The following PPP2R5C variants were observed in gnomAD, a reference collection of about 807,000 sequenced individuals.
PPP2R5C encodes protein phosphatase 2 regulatory subunit B'gamma, also known as serine/threonine-protein phosphatase 2A 56 kDa regulatory subunit gamma isoform.
Under a neutral mutation model 68.9 loss-of-function variants are expected in PPP2R5C, and 7 were observed. The ratio of observed to expected loss-of-function variants is 0.10; its 90% CI spans 0.06 to 0.19. PPP2R5C has a LOEUF of 0.19. Ranked by LOEUF, PPP2R5C falls within the 10% of genes least tolerant of loss-of-function variation. The pLI is 1.00. For synonymous variants in PPP2R5C, 210 were observed against 222.2 expected (o/e 0.95, Z 0.49); for missense variants, 348 against 641.3 (o/e 0.54, Z 4.94).
rs1376661853 is a variant in PPP2R5C at position 101,825,054 on chromosome 14, A to G, written c.94+15018A>G. 6.6e-6 allele frequency: 1 copy of G among 152,304 alleles called. No homozygotes were observed. The highest frequency in any genetic ancestry group is 6.5e-5 in the Admixed American group (1 of 15,290). 9.4% of individuals were successfully genotyped at this position (152,304 alleles called of 1,614,324 possible). On this transcript the variant is annotated intron_variant, in intron 1 of 13. Transcript: ENST00000334743. This position sits in a 1 kb window ranked among gnomAD's most constrained non-coding sequence, Gnocchi z 4.0. ...AGCCGAGAGCAGTTAAGTGGAAGGC[A>G]AGACGCAGCAGTGGCTTCTCACGCC...
At chr14:101,800,703 A>G (rs2038827591) in intron 3 of PPP2R5C, among the ~76,000 whole-genome samples, 1 of 151,772 alleles carries the variant, frequency 6.6e-6, no homozygotes, top group African/African-American at 2.4e-5. Flanking sequence ...ATATGATCCT[A>G]CAGCCTTACT....
chr14:101,802,369 G>A (rs546553512), intron 3 of PPP2R5C, among the ~76,000 whole-genome samples: 47 of 152,140 alleles, frequency 3.1e-4, no homozygotes, highest in Admixed American at 1.4e-3. Flanking sequence ...CCAAGATCGC[G>A]CCACTGCACA....
Position 101,797,313 on chromosome 14 carries a change from A to G in PPP2R5C, c.259+11130A>G, listed in dbSNP as rs2038660645. ...GACACATTCCGCGTATCCCCCAATC[A>G]GTGGATGGACGCGTGGGTTGCAGAG... On this transcript the variant is annotated intron_variant, in intron 3 of 14. Transcript: ENST00000328724. The surrounding 1 kb of genome is among the most constrained non-coding windows in gnomAD (Gnocchi z 4.2). The G allele has an allele frequency of 2.2e-6, 1 of 456,024 alleles. No homozygotes were observed. The highest frequency in any genetic ancestry group is 1.5e-5 in the South Asian group (1 of 64,564). 28.2% of individuals were successfully genotyped at this position (456,024 alleles called of 1,614,324 possible).
At chr14:101,761,442 G>A (rs953848283), upstream of PPP2R5C, among the ~76,000 whole-genome samples, 3 of 151,548 alleles carry the variant, frequency 2.0e-5, no homozygotes, top group East Asian at 5.9e-4. Context: ...GCCTGAGGCC[G>A]GCTCGCAGCG....
chr14:101,853,371 T>C (rs1434710097), intron 1 of PPP2R5C, among the ~76,000 whole-genome samples: 5 of 152,150 alleles, frequency 3.3e-5, no homozygotes, highest in Non-Finnish European at 7.3e-5. Context: ...AAGCAAAAAT[T>C]CTACAGAAAC....
At chr14:101,772,989 C>T (rs371883196) in intron 2 of PPP2R5C, among the ~76,000 whole-genome samples, 5 of 152,090 alleles carry the variant, frequency 3.3e-5, no homozygotes, top group Non-Finnish European at 7.4e-5. Flanking sequence ...CCTTCTGTCC[C>T]CTGGAGGGAT....
At chr14:101,908,917 T>C (rs1331827923) in intron 10 of PPP2R5C, among the ~76,000 whole-genome samples, 2 of 152,246 alleles carry the variant, frequency 1.3e-5, no homozygotes, top group African/African-American at 4.8e-5. Flanking sequence ...GGGATTTATT[T>C]GTTTTTAGCT....
rs1255561214 is a variant in PPP2R5C at position 101,906,387 on chromosome 14, A to C, written c.1024-15A>C. 1.3e-6 allele frequency: 2 copies of C among 1,583,116 alleles called. No individual in the cohort carries two copies. Among genetic ancestry groups the C allele is most frequent in the African/African-American group, 2.7e-5 (2 of 73,902 alleles). ...AGGCACAACCTCCAGCAAGCCATCC[A>C]CTTGTGTCTTTCAGGTGGCAGAGCG... is the stretch of plus-strand genomic sequence containing the variant. On this transcript the variant is annotated splice_polypyrimidine_tract_variant and intron_variant, in intron 9 of 13. Transcript: ENST00000334743. The surrounding 1 kb of genome is among the most constrained non-coding windows in gnomAD (Gnocchi z 4.0).
At chr14:101,811,716 TTTAAG>T (rs1357236059) in intron 1 of PPP2R5C, among the ~76,000 whole-genome samples, 1 of 152,244 alleles carries the variant, frequency 6.6e-6, no homozygotes, top group Non-Finnish European at 1.5e-5. Context: ...TTTTTATACT[TTTAAG>T]GTATCCACTT....
intron 1 of PPP2R5C, among the ~76,000 whole-genome samples, chr14:101,821,561 A>C (rs1378022594): frequency 2.6e-5 from 4 of 151,766 alleles, no homozygotes; most frequent in South Asian, 2.1e-4. Flanking sequence ...TCTTTAAAAA[A>C]TTGACATGAG....
At chr14:101,924,968 T>G (rs1030853797) in intron 13 of PPP2R5C, among the ~76,000 whole-genome samples, 173 bp from the exon 16 acceptor site, 12 of 152,216 alleles carry the variant, frequency 7.9e-5, no homozygotes, top group Non-Finnish European at 8.8e-5. Context: ...AGCAAGACAT[T>G]TTTGGCAAAT....
In PPP2R5C at chr14:101,882,344, G is replaced by A; in HGVS notation, c.405+73G>A. 2.4e-6 allele frequency: 3 copies of A among 1,232,556 alleles called. No homozygotes were observed. The highest frequency in any genetic ancestry group is 3.4e-6 in the Non-Finnish European group (3 of 873,848). 76.4% of individuals were successfully genotyped at this position (1,232,556 alleles called of 1,614,324 possible). On this transcript the variant is annotated intron_variant, in intron 3 of 13. Transcript: ENST00000334743. The surrounding 1 kb of genome is among the most constrained non-coding windows in gnomAD (Gnocchi z 4.9). ...GAATGGCCTGGGATCCACAGAGCGGGCGCACTGGTCTGGCCAGATGGACCT... is the reference window on the plus strand; with the variant it reads ...GAATGGCCTGGGATCCACAGAGCGGACGCACTGGTCTGGCCAGATGGACCT...
intron 2 of PPP2R5C, among the ~76,000 whole-genome samples, chr14:101,778,416 T>C (rs74799893): frequency 2.0e-5 from 3 of 152,250 alleles, no homozygotes; most frequent in African/African-American, 7.2e-5. Context: ...TTATGAAGTC[T>C]GGTTTATCTG....
At chr14:101,855,967 C>T (rs76724749) in intron 1 of PPP2R5C, among the ~76,000 whole-genome samples, 2,800 of 152,300 alleles carry the variant, frequency 0.018, 38 homozygotes, top group Middle Eastern at 0.041. Context: ...TAATAGTTAC[C>T]GTTATTGCTG....
chr14:101,918,966 T>C (rs2046859983), intron 13 of PPP2R5C, among the ~76,000 whole-genome samples: 1 of 152,108 alleles, frequency 6.6e-6, no homozygotes, highest in South Asian at 2.1e-4. Context: ...AATTCTGAGG[T>C]AAGAAGTGAA....
chr14:101,808,928 T>G (rs902916699), upstream of PPP2R5C, among the ~76,000 whole-genome samples: 2 of 152,198 alleles, frequency 1.3e-5, no homozygotes, highest in African/African-American at 2.4e-5. Context: ...TCCATCCAAT[T>G]CAGAAATAAT....
chr14:101,798,728 G>A (rs1234541537), intron 3 of PPP2R5C, among the ~76,000 whole-genome samples: 1 of 152,220 alleles, frequency 6.6e-6, no homozygotes, highest in Non-Finnish European at 1.5e-5. Flanking sequence ...TGCTAGGTGG[G>A]CTGGGCCCAG....
chr14:101,846,542 G>T (rs2041841199), intron 1 of PPP2R5C, among the ~76,000 whole-genome samples: 1 of 152,212 alleles, frequency 6.6e-6, no homozygotes, highest in African/African-American at 2.4e-5. Context: ...AGTTATGTAG[G>T]TGCTAAGGGT....
intron 3 of PPP2R5C, among the ~76,000 whole-genome samples, chr14:101,803,972 C>T (rs1384018552): frequency 6.6e-6 from 1 of 152,116 alleles, no homozygotes; most frequent in Non-Finnish European, 1.5e-5. Flanking sequence ...GCAAACTACT[C>T]ATCTGACAAG....
Sources: gnomAD v4.1 joint callset for allele counts (sites outside exome capture counted in the v4.1 genomes callset) on GRCh38, gnomAD v4.1.1 for gene constraint, Gnocchi (gnomAD v3.1) non-coding constraint, MANE v1.5 for transcripts, NCBI Gene and HGNC (gene_info 2026-07-23, HGNC 2026-07-21) for gene names.